RARB: variants seen among roughly 807,000 people sequenced by gnomAD.
RARB encodes retinoic acid receptor beta.
RARB carries 17 observed loss-of-function variants against 51.9 expected under a neutral mutation model. The ratio of observed to expected loss-of-function variants is 0.33; its 90% CI spans 0.22 to 0.49. The LOEUF (loss-of-function observed/expected upper bound fraction) is 0.49, where lower values mean the gene tolerates loss of function less well. RARB is among the 20% of genes least tolerant of loss of function. The pLI, the probability that RARB is intolerant of heterozygous loss-of-function variation, is 0.99. For synonymous variants in RARB, 215 were observed against 195.4 expected (o/e 1.10, Z -0.84); for missense variants, 369 against 550.8 (o/e 0.67, Z 3.30).
intron 3 of RARB, among the ~76,000 whole-genome samples, chr3:25,548,383 T>C (rs967331089): frequency 6.6e-6 from 1 of 152,178 alleles, no homozygotes; most frequent in Non-Finnish European, 1.5e-5. Context: ...AATCTAATTT[T>C]CAATGTCATT....
chr3:25,206,330 G>A (rs1402527378), intron 5 of RARB, among the ~76,000 whole-genome samples: 3 of 152,146 alleles, frequency 2.0e-5, no homozygotes, highest in African/African-American at 7.2e-5. Flanking sequence ...TAATTCTAAA[G>A]AGGAAATCTC....
chr3:25,533,700 G>T (rs1699019869), intron 3 of RARB, among the ~76,000 whole-genome samples: 1 of 152,146 alleles, frequency 6.6e-6, no homozygotes, highest in Non-Finnish European at 1.5e-5. Context: ...GGAGCAAAAA[G>T]AACCCACATG....
intron 2 of RARB, among the ~76,000 whole-genome samples, chr3:25,044,672 G>A (rs1393538375): frequency 1.3e-5 from 2 of 152,136 alleles, no homozygotes; most frequent in East Asian, 3.9e-4. Context: ...TGCAAATACT[G>A]TCTGGAAAAT....
Position 25,030,656 on chromosome 3 carries a change from C to A in RARB, c.-379-29469C>A, listed in dbSNP as rs368490400. Among the ~76,000 whole-genome samples, 11 of 152,148 alleles carry A rather than the reference C, an allele frequency of 7.2e-5. No homozygotes were observed. The East Asian group carries it at 1.5e-3, about 21-fold the overall frequency. ...GAGCAGGAGTGCCTAAAAGAATACT[C>A]AGTTTTGTCATACAATTTTGAGGAA... On this transcript the variant is annotated intron_variant, in intron 2 of 11. Coordinates refer to the RARB transcript ENST00000383772.
chr3:24,924,727 G>C (rs1368501145), intron 2 of RARB, among the ~76,000 whole-genome samples: 1 of 152,058 alleles, frequency 6.6e-6, no homozygotes, highest in Non-Finnish European at 1.5e-5. Context: ...ATTTTGGGAG[G>C]AGTATATAGC....
intron 3 of RARB, among the ~76,000 whole-genome samples, chr3:25,097,538 G>C (rs116396817): frequency 6.6e-6 from 1 of 152,168 alleles, no homozygotes; most frequent in African/African-American, 2.4e-5. Context: ...CAGCTACTCA[G>C]GCTTGAGGAG....
In RARB at chr3:24,958,198, G is replaced by A. The variant is rs147559231; in HGVS notation, c.-380+99446G>A. On this transcript the variant is annotated intron_variant, in intron 2 of 11. Transcript: ENST00000383772. ...ATAACAGGGAGGCATTCAACTGTTG[G>A]ACGTGTTAAAAAATCACAGAATCTG... Among the ~76,000 whole-genome samples, 524 of 143,864 alleles carry A rather than the reference G, an allele frequency of 3.6e-3. 6 individuals carry two copies. The highest frequency in any genetic ancestry group is 5.5e-3 in the Non-Finnish European group (364 of 66,250). 94.4% of individuals were successfully genotyped at this position (143,864 alleles called of 152,430 possible).
intron 2 of RARB, among the ~76,000 whole-genome samples, chr3:25,039,921 G>T (rs1698078907): frequency 6.6e-6 from 1 of 152,214 alleles, no homozygotes; most frequent in East Asian, 1.9e-4. Flanking sequence ...TGTCTTGTGG[G>T]TTGGGATAGA....
intron 5 of RARB, among the ~76,000 whole-genome samples, chr3:25,188,360 A>T (rs1701023721): frequency 6.6e-6 from 1 of 152,172 alleles, no homozygotes; most frequent in Admixed American, 6.6e-5. Context: ...AACTAATTTT[A>T]AAAAGGGAGA....
At position 25,398,250 on chromosome 3, in the gene RARB, C is replaced by T. The variant is rs556083669; in HGVS notation, c.179-62943C>T. On this transcript the variant is annotated intron_variant, in intron 5 of 11. Transcript: ENST00000383772. ...AGACAGGCTCCTGAACTCTAGGCCA[C>T]GGTTTCAAGGCTGGTCCATCACCAT... Among the ~76,000 whole-genome samples the T allele has an allele frequency of 3.9e-5, 6 of 152,172 alleles. No homozygotes were observed. The East Asian group carries it at 5.8e-4, about 15-fold the overall frequency.
intron 2 of RARB, among the ~76,000 whole-genome samples, chr3:25,057,228 G>C (rs1266031464): frequency 1.3e-5 from 2 of 152,034 alleles, no homozygotes; most frequent in Admixed American, 6.6e-5. Flanking sequence ...GCAGTCATAA[G>C]CCAGTCAGGA....
intron 2 of RARB, among the ~76,000 whole-genome samples, chr3:24,996,752 G>T (rs915798541): frequency 6.6e-6 from 1 of 151,826 alleles, no homozygotes; most frequent in Non-Finnish European, 1.5e-5. Context: ...CCAGGTATTT[G>T]TAAAGTTTTG....
At chr3:24,879,430 A>T (rs1352568527) in intron 2 of RARB, among the ~76,000 whole-genome samples, 1 of 100,646 alleles carries the variant, frequency 9.9e-6, no homozygotes. Context: ...CTCTGTCTCA[A>T]AATTAAAAAA....
At chr3:24,844,703 C>A (rs1235356692) in intron 1 of RARB, among the ~76,000 whole-genome samples, 3 of 152,172 alleles carry the variant, frequency 2.0e-5, no homozygotes, top group African/African-American at 7.2e-5. Context: ...ATAAATATAT[C>A]TAAATGGAAT....
intron 5 of RARB, among the ~76,000 whole-genome samples, chr3:25,244,563 T>A (rs1377240147): frequency 6.6e-6 from 1 of 152,234 alleles, no homozygotes; most frequent in Non-Finnish European, 1.5e-5. Flanking sequence ...CTTCATTTTG[T>A]TGTTTACCCA....
chr3:25,231,291 G>C lies in RARB; in HGVS notation c.178+56716G>C, dbSNP rs140160410. Among the ~76,000 whole-genome samples, 572 of 152,276 alleles carry C rather than the reference G, an allele frequency of 3.8e-3. 14 individuals carry two copies. Among genetic ancestry groups the C allele is most frequent in the East Asian group, 9.3e-3 (48 of 5,186 alleles). On this transcript the variant is annotated intron_variant, in intron 5 of 11. Transcript: ENST00000383772. ...CAATGCTTGCTTTTCTCAGGAAATA[G>C]AAGCGTTTACACCTTCTTTAAAGTT...
rs77296227 is a variant in RARB at position 25,186,336 on chromosome 3, A to G, written c.178+11761A>G. On this transcript the variant is annotated intron_variant, in intron 5 of 11. Transcript: ENST00000383772. ...TGTGGATCATCAGATACTTTGAAAC[A>G]CACGGCTGGTGAGATCCTACACTGG... Among the ~76,000 whole-genome samples the G allele has an allele frequency of 4.5e-3, 689 of 152,138 alleles. 13 individuals are homozygous for G. The highest frequency in any genetic ancestry group is 0.042 in the South Asian group (201 of 4,828).
chr3:25,009,705 C>T (rs1697353614), intron 2 of RARB, among the ~76,000 whole-genome samples: 2 of 152,092 alleles, frequency 1.3e-5, no homozygotes, highest in African/African-American at 4.8e-5. Context: ...CCTTTGCTCA[C>T]CAGGTCTCCC....
chr3:25,144,489 A>T (rs751995543), intron 4 of RARB, among the ~76,000 whole-genome samples: 43 of 152,196 alleles, frequency 2.8e-4, no homozygotes, highest in African/African-American at 9.4e-4. Flanking sequence ...TTCTCTAGTT[A>T]AAAAATTCAG....
Sources: gnomAD v4.1 joint callset for allele counts (sites outside exome capture counted in the v4.1 genomes callset) on GRCh38, gnomAD v4.1.1 for gene constraint, MANE v1.5 for transcripts, NCBI Gene and HGNC (gene_info 2026-07-23, HGNC 2026-07-21) for gene names.